CDH6: variants seen among roughly 807,000 people sequenced by gnomAD.
CDH6 encodes cadherin 6.
A neutral mutation model predicts 78.0 loss-of-function variants in CDH6; 31 were observed. The ratio of observed to expected loss-of-function variants is 0.40; its 90% CI spans 0.30 to 0.54. The LOEUF (loss-of-function observed/expected upper bound fraction) is 0.54, where lower values mean the gene tolerates loss of function less well. Ranked by LOEUF, CDH6 falls within the 20% of genes least tolerant of loss-of-function variation. CDH6 has a pLI of 0.56. For synonymous variants in CDH6, 376 were observed against 368.8 expected, an observed-to-expected ratio of 1.02 and a Z score of -0.23; for missense variants, 724 against 975.9, an observed-to-expected ratio of 0.74 and a Z score of 3.44.
intron 1 of CDH6, among the ~76,000 whole-genome samples, chr5:31,199,896 T>A (rs994862150): frequency 6.6e-6 from 1 of 151,886 alleles, no homozygotes; most frequent in Non-Finnish European, 1.5e-5. Context: ...GACCCTACTA[T>A]ACTTGTATCC....
At chr5:31,297,787 C>A (rs1241810776) in intron 4 of CDH6, among the ~76,000 whole-genome samples, 1 of 152,060 alleles carries the variant, frequency 6.6e-6, no homozygotes, top group East Asian at 1.9e-4. Context: ...TTAGATGTAG[C>A]CATGTGATTT....
intron 1 of CDH6, among the ~76,000 whole-genome samples, chr5:31,254,342 AAG>A (rs1741994330): frequency 6.6e-6 from 1 of 152,232 alleles, no homozygotes; most frequent in Non-Finnish European, 1.5e-5. Context: ...TTAATAAGGA[AAG>A]AAAAAAAATT....
At chr5:31,216,443 AT>A (rs1740867316) in intron 1 of CDH6, among the ~76,000 whole-genome samples, 1 of 152,062 alleles carries the variant, frequency 6.6e-6, no homozygotes, top group Non-Finnish European at 1.5e-5. Flanking sequence ...ATTACATATT[AT>A]TTTATATAAA....
At position 31,267,653 on chromosome 5, in the gene CDH6, C is replaced by A; in HGVS notation, c.180C>A (p.Phe60Leu). ...AAAGGAGCTGGATGTGGAATCAGTTCTTTCTCCTGGAGGAATACACAGGAT... is the reference window on the plus strand; with the variant it reads ...AAAGGAGCTGGATGTGGAATCAGTTATTTCTCCTGGAGGAATACACAGGAT... The part of the protein sequence containing the change: ...RSKRSWMWNQ[F>L]FLLEEYTGSD... The change falls in exon 2 of 12, where the codon TTC becomes TTA. Residue 60 changes from phenylalanine (F) to leucine (L), a missense_variant. Coordinates refer to ENST00000265071, the MANE Select transcript of CDH6 (RefSeq NM_004932.4). The A allele has an allele frequency of 6.2e-7, 1 of 1,614,130 alleles. No homozygotes were observed. The highest frequency in any genetic ancestry group is 8.5e-7 in the Non-Finnish European group (1 of 1,180,026).
chr5:31,326,254 T>C lies in CDH6; in HGVS notation c.*2946T>C, dbSNP rs868465364. On this transcript the variant is annotated 3_prime_UTR_variant, in exon 12 of 12. Coordinates refer to ENST00000265071, the MANE Select transcript of CDH6 (RefSeq NM_004932.4). ...GGGTTGTTTCAAGGACATTGAGAGC[T>C]TTCTGATGATATGTTTTTGCCCTCT... The C allele has an allele frequency of 1.4e-5, 3 of 221,226 alleles. No individual in the cohort carries two copies. In the South Asian group the frequency reaches 5.6e-4, roughly 41 times the overall value. The allele number at this position is 221,226 out of a possible 1,614,324, so 13.7% of individuals were successfully genotyped here.
rs1046348020 is a variant in CDH6 at position 31,294,750 on chromosome 5, G to A, written c.523+494G>A. On this transcript the variant is annotated intron_variant, in intron 3 of 11. Transcript: ENST00000265071. The surrounding 1 kb of genome is among the most constrained non-coding windows in gnomAD (Gnocchi z 4.1). ...TTTTTAATCCATAAACAATAGGCAC[G>A]TTATGTCTAGGGAGTGGATCCTTTA... Among the ~76,000 whole-genome samples the A allele has an allele frequency of 1.3e-5, 2 of 152,148 alleles. No individual in the cohort carries two copies. Among genetic ancestry groups the A allele is most frequent in the African/African-American group, 2.4e-5 (1 of 41,434 alleles).
At chr5:31,284,162 G>A (rs1742947432) in intron 2 of CDH6, among the ~76,000 whole-genome samples, 1 of 152,152 alleles carries the variant, frequency 6.6e-6, no homozygotes, top group Non-Finnish European at 1.5e-5. Context: ...CAAGAAATAA[G>A]CTGGCCAACC....
In CDH6 at chr5:31,313,438, G is replaced by C; in HGVS notation, c.1374G>C (p.Val458=). The stretch of plus-strand genomic sequence containing the variant: ...CACTGCTATGGCACAACATTACAGT[G>C]ATAGCAACAGAGATCAGTAAGTCCT... ...RETLLWHNIT[V]IATEINNPKQ... is the part of the protein sequence containing the mutation. The change falls in exon 8 of 12, where the codon GTG becomes GTC. Residue 458 remains valine (V), a synonymous_variant. Coordinates refer to ENST00000265071, the MANE Select transcript of CDH6 (RefSeq NM_004932.4). The C allele has an allele frequency of 3.7e-6, 6 of 1,613,744 alleles. No individual in the cohort carries two copies. Among genetic ancestry groups the C allele is most frequent in the Non-Finnish European group, 4.2e-6 (5 of 1,179,772 alleles).
At chr5:31,245,546 G>T (rs1043068898) in intron 1 of CDH6, among the ~76,000 whole-genome samples, 14 of 152,242 alleles carry the variant, frequency 9.2e-5, no homozygotes, top group African/African-American at 3.4e-4. Context: ...GCTCACGGGG[G>T]TTAAGAGGCT....
At position 31,327,151 on chromosome 5, in the gene CDH6, C is replaced by A. The variant is rs534754307; in HGVS notation, c.*3843C>A. ...AAATGCTTTGCCTGGAAATAGATAT[C>A]CCACTGGGGATAGTGGTGTGTAAAC... On this transcript the variant is annotated 3_prime_UTR_variant, in exon 12 of 12. Coordinates refer to ENST00000265071, the MANE Select transcript of CDH6 (RefSeq NM_004932.4). 1 of 184,112 alleles carries A rather than the reference C, an allele frequency of 5.4e-6. No homozygotes were observed. Among genetic ancestry groups the A allele is most frequent in the South Asian group, 2.0e-4 (1 of 5,086 alleles). 11.4% of individuals were successfully genotyped at this position (184,112 alleles called of 1,614,324 possible).
intron 1 of CDH6, among the ~76,000 whole-genome samples, chr5:31,248,934 C>T (rs1296226765): frequency 6.6e-6 from 1 of 152,088 alleles, no homozygotes; most frequent in Non-Finnish European, 1.5e-5. Context: ...CCCCTTCATC[C>T]CCTCAATAAG....
chr5:31,304,559 C>T (rs896089692), intron 6 of CDH6, among the ~76,000 whole-genome samples: 4 of 151,940 alleles, frequency 2.6e-5, no homozygotes, highest in African/African-American at 9.7e-5. Flanking sequence ...GTGGTGAGTG[C>T]CTGTAGTCCC....
At chr5:31,210,518 T>C (rs1448600647) in intron 1 of CDH6, among the ~76,000 whole-genome samples, 1 of 152,028 alleles carries the variant, frequency 6.6e-6, no homozygotes, top group African/African-American at 2.4e-5. Flanking sequence ...AATAAATAAA[T>C]AAGTATTGCT....
Position 31,317,841 on chromosome 5 carries a change from G to C in CDH6, c.1799G>C (p.Cys600Ser). The C allele has an allele frequency of 6.2e-7, 1 of 1,614,070 alleles. No homozygotes were observed. The highest frequency in any genetic ancestry group is 8.5e-7 in the Non-Finnish European group (1 of 1,179,990). Reference protein sequence around the residue: ...ACDHHGNMQSCHAEALIHPTG... With the variant: ...ACDHHGNMQSSHAEALIHPTG... ...GACCACCACGGGAACATGCAATCCT[G>C]CCATGCGGAGGCGCTCATCCACCCC... The change falls in exon 11 of 12, where the codon TGC (cysteine) becomes TCC (serine). Residue 600 changes from cysteine (C) to serine (S), a missense_variant. By Grantham distance (112) the Cys-to-Ser change is moderately radical. Transcript: ENST00000265071.
In CDH6 at chr5:31,303,127, C is replaced by T. The variant is rs189243657; in HGVS notation, c.999+829C>T. On this transcript the variant is annotated intron_variant, in intron 6 of 11. Coordinates refer to ENST00000265071, the MANE Select transcript of CDH6 (RefSeq NM_004932.4). Reference sequence around the variant, plus strand: ...ATAAGTAATATAAACAAATGATATTCGTAAAAATATATAAAGTAAATACTT... The same window carrying T: ...ATAAGTAATATAAACAAATGATATTTGTAAAAATATATAAAGTAAATACTT... 2.7e-3 allele frequency among the ~76,000 whole-genome samples: 406 copies of T among 152,100 alleles called. 5 individuals carry two copies. Among genetic ancestry groups the T allele is most frequent in the African/African-American group, 9.2e-3 (382 of 41,508 alleles).
At chr5:31,226,851 C>A (rs1216721660) in intron 1 of CDH6, among the ~76,000 whole-genome samples, 3 of 152,156 alleles carry the variant, frequency 2.0e-5, no homozygotes, top group Admixed American at 1.3e-4. Flanking sequence ...ATCCCACTAT[C>A]CTCATTATTA....
At chr5:31,221,757 G>T (rs1323844841) in intron 1 of CDH6, among the ~76,000 whole-genome samples, 1 of 152,188 alleles carries the variant, frequency 6.6e-6, no homozygotes, top group Non-Finnish European at 1.5e-5. Flanking sequence ...ACTGGGGAGA[G>T]AGTTGTTTAA....
chr5:31,202,700 T>C (rs1740390099), intron 1 of CDH6, among the ~76,000 whole-genome samples: 1 of 151,392 alleles, frequency 6.6e-6, no homozygotes, highest in South Asian at 2.1e-4. Context: ...TATACACATA[T>C]ATACATACAT....
chr5:31,307,563 G>A (rs1738022357), intron 7 of CDH6, among the ~76,000 whole-genome samples: 1 of 152,180 alleles, frequency 6.6e-6, no homozygotes, highest in African/African-American at 2.4e-5. Flanking sequence ...ATAAGGAAAT[G>A]AATGTGGTTT....
Sources: allele counts gnomAD v4.1 joint callset (sites outside exome capture counted in the v4.1 genomes callset), GRCh38; gene constraint gnomAD v4.1.1; non-coding constraint Gnocchi (gnomAD v3.1); transcripts MANE v1.5; gene names NCBI Gene and HGNC (gene_info 2026-07-23, HGNC 2026-07-21).